LRBA: variants seen among roughly 807,000 people sequenced by gnomAD.
The protein encoded by LRBA is LPS responsive beige-like anchor protein.
Under a neutral mutation model 330.0 loss-of-function variants are expected in LRBA, and 176 were observed. The ratio of observed to expected loss-of-function variants is 0.53; its 90% CI spans 0.47 to 0.60. LRBA has a LOEUF of 0.60. Among genes scored for constraint, LRBA ranks in the 20% least tolerant of loss-of-function variants. LRBA has a pLI of 0.00. For missense variants in LRBA, 3,259 were observed against 3,444.8 expected (o/e 0.95, Z 1.35); for synonymous variants, 1,230 against 1,193.0 (o/e 1.03, Z -0.64).
intron 36 of LRBA, among the ~76,000 whole-genome samples, chr4:150,700,866 T>C (rs747599831): frequency 1.7e-4 from 26 of 151,934 alleles, no homozygotes; most frequent in Admixed American, 5.2e-4. Flanking sequence ...CGAGTGATTC[T>C]CCCACTTCAG....
chr4:150,588,331 A>G (rs998080459), intron 39 of LRBA, 147 bp from the exon 40 acceptor site: 1 of 688,020 alleles, frequency 1.5e-6, no homozygotes. Context: ...TATTCTGTCC[A>G]CCCCAAATCT....
At chr4:150,391,919 T>G (rs1484322437) in intron 47 of LRBA, among the ~76,000 whole-genome samples, 3 of 146,746 alleles carry the variant, frequency 2.0e-5, no homozygotes, top group African/African-American at 7.6e-5. Flanking sequence ...CACTGTCATC[T>G]GAGTAACATA....
chr4:150,762,459 C>A (rs1735223089), intron 34 of LRBA, among the ~76,000 whole-genome samples: 1 of 151,616 alleles, frequency 6.6e-6, no homozygotes. Context: ...AAAAAGCAAT[C>A]CATTAAAAAG....
chr4:150,904,535 T>C (rs556995289), intron 13 of LRBA, among the ~76,000 whole-genome samples: 23 of 152,260 alleles, frequency 1.5e-4, no homozygotes, highest in African/African-American at 3.6e-4. Context: ...AGATGAATTT[T>C]TTTTAATTCC....
chr4:150,701,935 GT>G (rs1785163026), intron 36 of LRBA, among the ~76,000 whole-genome samples: 1 of 152,126 alleles, frequency 6.6e-6, no homozygotes, highest in Non-Finnish European at 1.5e-5. Flanking sequence ...GGTATTCTTA[GT>G]TTTAAAAAAG....
chr4:150,738,523 A>G (rs1295554283), intron 35 of LRBA, among the ~76,000 whole-genome samples: 1 of 152,238 alleles, frequency 6.6e-6, no homozygotes, highest in Non-Finnish European at 1.5e-5. Context: ...ATACAAGTCA[A>G]GGAAAACAAT....
intron 46 of LRBA, among the ~76,000 whole-genome samples, chr4:150,420,221 G>C (rs1286518187): frequency 6.7e-6 from 1 of 148,888 alleles, no homozygotes; most frequent in African/African-American, 2.4e-5. Flanking sequence ...GGGTGACAGA[G>C]TGAGACCCTG....
chr4:150,551,571 C>T (rs1286880561), intron 40 of LRBA, among the ~76,000 whole-genome samples: 1 of 151,814 alleles, frequency 6.6e-6, no homozygotes, highest in Non-Finnish European at 1.5e-5. Flanking sequence ...CCCAGCTACT[C>T]AGGGGAGGAT....
chr4:150,567,254 T>C (rs1769254235), intron 40 of LRBA, among the ~76,000 whole-genome samples: 1 of 152,126 alleles, frequency 6.6e-6, no homozygotes, highest in South Asian at 2.1e-4. Context: ...CTATATATTA[T>C]CTGATCATGT....
chr4:150,427,940 TAA>T (rs1460623302), intron 46 of LRBA, among the ~76,000 whole-genome samples: 1 of 151,936 alleles, frequency 6.6e-6, no homozygotes, highest in African/African-American at 2.4e-5. Flanking sequence ...AGAAGAAACC[TAA>T]TTTATCTTCA....
chr4:150,390,903 C>T (rs1743820034), intron 47 of LRBA, among the ~76,000 whole-genome samples: 1 of 152,170 alleles, frequency 6.6e-6, no homozygotes, highest in African/African-American at 2.4e-5. Context: ...TCAGTGTCCT[C>T]ATTTGTTATT....
intron 37 of LRBA, among the ~76,000 whole-genome samples, chr4:150,668,124 G>A (rs1210786693): frequency 6.6e-6 from 1 of 152,226 alleles, no homozygotes; most frequent in Non-Finnish European, 1.5e-5. Flanking sequence ...AATGGCCTCT[G>A]GAAGTTTGGG....
chr4:150,574,599 C>T (rs1371367556), intron 40 of LRBA, among the ~76,000 whole-genome samples: 1 of 152,046 alleles, frequency 6.6e-6, no homozygotes, highest in East Asian at 1.9e-4. Context: ...TACGTTCACA[C>T]TGTCTCCTTT....
chr4:150,441,449 T>C (rs1413010016), intron 44 of LRBA, among the ~76,000 whole-genome samples: 1 of 152,102 alleles, frequency 6.6e-6, no homozygotes. Flanking sequence ...TACTATATTA[T>C]TTATAAAGAA....
chr4:150,954,545 G>T (rs1187913078), intron 2 of LRBA, among the ~76,000 whole-genome samples: 2 of 150,920 alleles, frequency 1.3e-5, no homozygotes, highest in Non-Finnish European at 2.9e-5. Context: ...GATGTGCTTT[G>T]TTAAACAGAT....
chr4:150,520,941 T>G (rs1215509459), intron 40 of LRBA, among the ~76,000 whole-genome samples: 1 of 152,226 alleles, frequency 6.6e-6, no homozygotes, highest in Non-Finnish European at 1.5e-5. Flanking sequence ...TTCATTTTCT[T>G]AAAAACAATA....
chr4:150,557,351 G>A (rs1203571512), intron 40 of LRBA, among the ~76,000 whole-genome samples: 1 of 152,150 alleles, frequency 6.6e-6, no homozygotes, highest in Non-Finnish European at 1.5e-5. Context: ...AAGGCATAAT[G>A]TCAACTGATA....
At chr4:150,580,570 T>C (rs1771181118) in intron 40 of LRBA, 1 of 152,204 alleles carries the variant, frequency 6.6e-6, no homozygotes, top group Non-Finnish European at 1.5e-5. Context: ...AATGGACGCA[T>C]AGATTTTTAT....
chr4:150,647,795 T>C (rs1429393230), intron 37 of LRBA, among the ~76,000 whole-genome samples: 1 of 152,038 alleles, frequency 6.6e-6, no homozygotes, highest in Non-Finnish European at 1.5e-5. Flanking sequence ...AAGTTAGTCA[T>C]TACTTTCAAA....
Sources: allele counts gnomAD v4.1 joint callset (sites outside exome capture counted in the v4.1 genomes callset), GRCh38; gene constraint gnomAD v4.1.1; transcripts MANE v1.5; gene names NCBI Gene and HGNC (gene_info 2026-07-23, HGNC 2026-07-21).